The following PIGU variants were observed in gnomAD, a reference collection of about 807,000 sequenced individuals.
PIGU encodes GPI-anchor transamidase component PIGU.
In PIGU, 24 loss-of-function variants were observed where a neutral mutation model predicts 49.9. The observed-to-expected ratio is 0.48, with a 90% confidence interval of 0.35 to 0.68. The LOEUF (loss-of-function observed/expected upper bound fraction) is 0.68, where lower values mean the gene tolerates loss of function less well. Ranked by LOEUF, PIGU falls within the 30% of genes least tolerant of loss-of-function variation. The pLI is 0.01. For synonymous variants in PIGU, 220 were observed against 205.7 expected (o/e 1.07, Z -0.59); for missense variants, 490 against 532.6 (o/e 0.92, Z 0.79).
intron 11 of PIGU, among the ~76,000 whole-genome samples, chr20:34,573,524 C>T (rs1983098683): frequency 6.6e-6 from 1 of 152,186 alleles, no homozygotes; most frequent in South Asian, 2.1e-4. Context: ...TTTCCAGACC[C>T]AAACTTAAGA....
At chr20:34,655,412 C>A (rs6059967) in intron 2 of PIGU, among the ~76,000 whole-genome samples, 1 of 122,104 alleles carries the variant, frequency 8.2e-6, no homozygotes, top group Non-Finnish European at 1.8e-5. Flanking sequence ...TGGCTCACGC[C>A]TGTAATCCCA....
At chr20:34,597,434 A>T (rs1050060485) in intron 7 of PIGU, among the ~76,000 whole-genome samples, 7 of 152,266 alleles carry the variant, frequency 4.6e-5, no homozygotes, top group African/African-American at 1.4e-4. Context: ...ATCTATGGTT[A>T]AAACAATATT....
At chr20:34,600,752 T>C (rs1290591762) in intron 7 of PIGU, among the ~76,000 whole-genome samples, 2 of 152,008 alleles carry the variant, frequency 1.3e-5, no homozygotes, top group African/African-American at 4.8e-5. Context: ...AAGCAGTTAT[T>C]GGCCGGGCAC....
chr20:34,667,778 A>G (rs1987149076), intron 1 of PIGU, among the ~76,000 whole-genome samples: 1 of 147,374 alleles, frequency 6.8e-6, no homozygotes, highest in Non-Finnish European at 1.5e-5. Context: ...TGCAAAAATT[A>G]GTAGGCAAAA....
chr20:34,634,738 G>C (rs1985905151), intron 5 of PIGU, 23 bp from the exon 6 acceptor site: 1 of 1,607,070 alleles, frequency 6.2e-7, no homozygotes. Flanking sequence ...AAACATATTT[G>C]GCATTAGTAA....
chr20:34,645,351 GAC>G lies in PIGU; in HGVS notation c.196-19_196-18del, dbSNP rs1568656205. The stretch of plus-strand genomic sequence containing the variant: ...TAATGGAGTCTGCAGAAAAAAAACA[GAC>G]ATGTAAAAAAAATTAAGTTAAACCT... On this transcript the variant is annotated intron_variant, in intron 2 of 11. Coordinates refer to ENST00000217446, the MANE Select transcript of PIGU (RefSeq NM_080476.5). 3.2e-6 allele frequency: 5 copies of G among 1,555,458 alleles called. No homozygotes were observed. The highest frequency in any genetic ancestry group is 4.3e-6 in the Non-Finnish European group (5 of 1,159,680).
chr20:34,604,958 C>G (rs182921965), intron 7 of PIGU, among the ~76,000 whole-genome samples: 2 of 152,108 alleles, frequency 1.3e-5, no homozygotes, highest in Admixed American at 1.3e-4. Context: ...GAATCCCAAG[C>G]AAAAGGAAGA....
At chr20:34,624,451 C>T (rs1985376156) in intron 6 of PIGU, among the ~76,000 whole-genome samples, 1 of 152,166 alleles carries the variant, frequency 6.6e-6, no homozygotes, top group African/African-American at 2.4e-5. Context: ...GCTTGAATAC[C>T]TTCTGATAGC....
chr20:34,659,172 C>G (rs1359910055), intron 1 of PIGU, among the ~76,000 whole-genome samples: 89 of 90,842 alleles, frequency 9.8e-4, no homozygotes, highest in East Asian at 1.7e-3. Context: ...AGCCCCTCTG[C>G]CCGGCCAGCC....
intron 2 of PIGU, among the ~76,000 whole-genome samples, chr20:34,649,380 A>G (rs966366904): frequency 2.0e-5 from 3 of 146,908 alleles, no homozygotes; most frequent in African/African-American, 7.5e-5. Flanking sequence ...TAAGTTTCAG[A>G]TCTCTTACTT....
intron 11 of PIGU, among the ~76,000 whole-genome samples, chr20:34,561,266 G>A (rs1010086925): frequency 1.3e-5 from 2 of 152,100 alleles, no homozygotes; most frequent in Non-Finnish European, 2.9e-5. Flanking sequence ...GCAACCAGAG[G>A]CCTCTGCCCC....
chr20:34,634,475 T>A (rs1985893474), intron 6 of PIGU, 140 bp downstream of exon 6: 4 of 1,306,492 alleles, frequency 3.1e-6, no homozygotes, highest in Non-Finnish European at 3.9e-6. Flanking sequence ...TTCTAAATAA[T>A]CTTGTATTAC....
intron 11 of PIGU, among the ~76,000 whole-genome samples, chr20:34,564,172 C>A (rs2146688532): frequency 6.6e-6 from 1 of 152,282 alleles, no homozygotes; most frequent in Middle Eastern, 3.4e-3. Context: ...ACTGGAACAA[C>A]AGGAAATCCA....
At chr20:34,570,423 A>AT (rs748089105) in intron 11 of PIGU, among the ~76,000 whole-genome samples, 1 of 149,500 alleles carries the variant, frequency 6.7e-6, no homozygotes, top group Non-Finnish European at 1.5e-5. Flanking sequence ...ATTTATTTTT[A>AT]TTTTTTTTTG....
At chr20:34,628,718 G>A (rs1985587425) in intron 6 of PIGU, among the ~76,000 whole-genome samples, 1 of 152,104 alleles carries the variant, frequency 6.6e-6, no homozygotes, top group Non-Finnish European at 1.5e-5. Context: ...GGGCATGGTG[G>A]TGCGTGCCTG....
intron 7 of PIGU, among the ~76,000 whole-genome samples, chr20:34,598,115 G>C (rs1383525682): frequency 6.6e-6 from 1 of 152,212 alleles, no homozygotes. Context: ...AAGGAGTGCA[G>C]TGTAGAAGGA....
chr20:34,567,803 C>T (rs1404979064), intron 11 of PIGU, among the ~76,000 whole-genome samples: 1 of 42,946 alleles, frequency 2.3e-5, no homozygotes, highest in Non-Finnish European at 5.9e-5. Context: ...CTCCTTCCTC[C>T]TCTCTCTCTC....
chr20:34,593,868 G>A (rs1984092327), intron 7 of PIGU, among the ~76,000 whole-genome samples: 2 of 152,222 alleles, frequency 1.3e-5, no homozygotes, highest in South Asian at 4.1e-4. Flanking sequence ...GACTGAGCAA[G>A]AGACCCTGCC....
chr20:34,663,656 G>A (rs1440550093), intron 1 of PIGU, among the ~76,000 whole-genome samples: 3 of 152,242 alleles, frequency 2.0e-5, no homozygotes, highest in East Asian at 1.9e-4. Context: ...GCTCAAGACC[G>A]TTGTAACTGG....
Sources: gnomAD v4.1 joint callset for allele counts (sites outside exome capture counted in the v4.1 genomes callset) on GRCh38, gnomAD v4.1.1 for gene constraint, MANE v1.5 for transcripts, NCBI Gene and HGNC (gene_info 2026-07-23, HGNC 2026-07-21) for gene names.